Variants in DCDC2C observed in about 807,000 individuals in gnomAD.
DCDC2C encodes the protein doublecortin domain containing 2C.
A neutral mutation model predicts 45.0 loss-of-function variants in DCDC2C; 44 were observed. That is an observed-to-expected ratio of 0.98 (90% CI 0.77 to 1.26). The LOEUF (loss-of-function observed/expected upper bound fraction) is 1.26, where lower values mean the gene tolerates loss of function less well. Ranked by LOEUF, DCDC2C falls within the 50% of genes most tolerant of loss-of-function variation. DCDC2C has a pLI of 0.00. For synonymous variants in DCDC2C, 187 were observed against 178.8 expected (o/e 1.05, Z -0.37); for missense variants, 447 against 468.9 (o/e 0.95, Z 0.43).
intron 10 of DCDC2C, among the ~76,000 whole-genome samples, chr2:3,838,823 C>G (rs113384243): frequency 3.3e-5 from 5 of 152,258 alleles, no homozygotes; most frequent in African/African-American, 1.2e-4. Context: ...CTATCCACTT[C>G]TAGAAGTTTG....
At position 3,847,204 on chromosome 2, in the gene DCDC2C, C is replaced by G; in HGVS notation, c.*21C>G. ...ATTAACAAAACCACCTTTATTATTA[C>G]CTGAAGTCCACTTTTCTTCAACCAT... is the stretch of plus-strand genomic sequence containing the variant. On this transcript the variant is annotated 3_prime_UTR_variant, in exon 11 of 11. Transcript: ENST00000399143. The G allele has an allele frequency of 8.1e-7, 1 of 1,230,334 alleles. No homozygotes were observed. The highest frequency in any genetic ancestry group is 1.0e-6 in the Non-Finnish European group (1 of 986,722). The allele number at this position is 1,230,334 out of a possible 1,614,324, so 76.2% of individuals were successfully genotyped here. A position where few individuals can be genotyped will look rare whatever the true frequency, so the allele number is the denominator to read the frequency against.
At chr2:3,829,888 G>C (rs1158148767) in intron 10 of DCDC2C, among the ~76,000 whole-genome samples, 1 of 152,144 alleles carries the variant, frequency 6.6e-6, no homozygotes, top group Non-Finnish European at 1.5e-5. Flanking sequence ...GCTGTTATCA[G>C]TTATTGACAC....
chr2:3,704,363 A>G (rs1459748367), intron 1 of DCDC2C, among the ~76,000 whole-genome samples: 3 of 79,926 alleles, frequency 3.8e-5, no homozygotes, highest in Middle Eastern at 9.1e-3. Flanking sequence ...GGTGTGGAGG[A>G]GGGCGTGGGG....
intron 2 of DCDC2C, among the ~76,000 whole-genome samples, chr2:3,717,699 T>A (rs548219871): frequency 6.6e-6 from 1 of 152,302 alleles, no homozygotes; most frequent in African/African-American, 2.4e-5. Flanking sequence ...CTAGTTACCA[T>A]GACGTTTAAG....
intron 10 of DCDC2C, among the ~76,000 whole-genome samples, chr2:3,845,735 A>T (rs1672311346): frequency 6.6e-6 from 1 of 152,192 alleles, no homozygotes; most frequent in Non-Finnish European, 1.5e-5. Context: ...TGCATTTCTA[A>T]TTACTTTCGT....
intron 4 of DCDC2C, among the ~76,000 whole-genome samples, chr2:3,749,305 T>C (rs1435884678): frequency 1.3e-5 from 2 of 152,262 alleles, no homozygotes; most frequent in African/African-American, 4.8e-5. Flanking sequence ...TAGCATGTTA[T>C]GATGCAAAGC....
intron 6 of DCDC2C, among the ~76,000 whole-genome samples, chr2:3,755,625 G>C (rs1232485283): frequency 6.6e-6 from 1 of 152,162 alleles, no homozygotes; most frequent in Non-Finnish European, 1.5e-5. Context: ...GGATGCATAT[G>C]TGTGTGCCTA....
At chr2:3,785,731 G>C (rs1243387224) in intron 10 of DCDC2C, among the ~76,000 whole-genome samples, 2 of 152,150 alleles carry the variant, frequency 1.3e-5, no homozygotes, top group Admixed American at 6.5e-5. Flanking sequence ...AGTGATTTTT[G>C]TCTGAATGTG....
intron 10 of DCDC2C, among the ~76,000 whole-genome samples, chr2:3,796,945 T>C (rs1290152446): frequency 6.6e-6 from 1 of 152,232 alleles, no homozygotes; most frequent in East Asian, 1.9e-4. Context: ...GAAGGAATGG[T>C]ACCAGTTCCT....
intron 8 of DCDC2C, among the ~76,000 whole-genome samples, chr2:3,775,058 C>T (rs1465186915): frequency 6.6e-6 from 1 of 151,144 alleles, no homozygotes; most frequent in African/African-American, 2.4e-5. Context: ...AGCCAGTGCG[C>T]CTGGCTGGAT....
intron 3 of DCDC2C, among the ~76,000 whole-genome samples, chr2:3,731,532 G>C (rs1312733803): frequency 6.6e-6 from 1 of 152,192 alleles, no homozygotes; most frequent in Non-Finnish European, 1.5e-5. Context: ...CCCAAAGGGA[G>C]AAATGTAACA....
At chr2:3,733,812 G>C (rs548393391) in intron 3 of DCDC2C, among the ~76,000 whole-genome samples, 3 of 152,268 alleles carry the variant, frequency 2.0e-5, no homozygotes, top group East Asian at 1.9e-4. Flanking sequence ...AACATGAACT[G>C]GGGGGTGAGG....
At chr2:3,784,985 G>T (rs1670612334) in intron 9 of DCDC2C, 74 bp from the exon 10 acceptor site, 1 of 1,080,838 alleles carries the variant, frequency 9.3e-7, no homozygotes, top group Non-Finnish European at 1.2e-6. Flanking sequence ...GAGTAGAGGT[G>T]GGGGAGATTA....
At chr2:3,798,313 A>G (rs1445652489) in intron 10 of DCDC2C, among the ~76,000 whole-genome samples, 1 of 151,010 alleles carries the variant, frequency 6.6e-6, no homozygotes, top group East Asian at 1.9e-4. Flanking sequence ...ATGGGTCTTG[A>G]CTCTTTATCC....
intron 9 of DCDC2C, 135 bp from the exon 10 acceptor site, chr2:3,784,924 C>CAGA (rs1362990486): frequency 1.9e-6 from 1 of 529,200 alleles, no homozygotes; most frequent in Non-Finnish European, 2.9e-6. Context: ...GGCTTTACGC[C>CAGA]AAGCTCCTGA....
intron 10 of DCDC2C, among the ~76,000 whole-genome samples, chr2:3,826,681 AAAT>A (rs1277114435): frequency 1.3e-5 from 2 of 152,120 alleles, no homozygotes; most frequent in Non-Finnish European, 2.9e-5. Flanking sequence ...GTAGGAATGG[AAAT>A]CCCAACAGCT....
chr2:3,703,826 C>T lies in DCDC2C; in HGVS notation c.75C>T (p.Asp25=). ...AKTIVVYRNG[D]PFYVGKKFVL... ...CCATCGTGGTGTACCGCAACGGGGA[C>T]CCGTTCTACGTGGGCAAGAAGTTCG... The change falls in exon 1 of 11, where the codon GAC becomes GAT. Residue 25 remains aspartate (D), a synonymous_variant. Coordinates refer to ENST00000399143, the MANE Select transcript of DCDC2C (RefSeq NM_001287444.2). The surrounding 1 kb of genome is among the most constrained non-coding windows in gnomAD (Gnocchi z 4.4). 1 of 1,265,838 alleles carries T rather than the reference C, an allele frequency of 7.9e-7. No homozygotes were observed. The highest frequency in any genetic ancestry group is 1.0e-6 in the Non-Finnish European group (1 of 1,001,346). The allele number at this position is 1,265,838 out of a possible 1,614,324, so 78.4% of individuals were successfully genotyped here. A position where few individuals can be genotyped will look rare whatever the true frequency, so the allele number is the denominator to read the frequency against.
At chr2:3,810,235 C>T (rs1671360244) in intron 10 of DCDC2C, among the ~76,000 whole-genome samples, 1 of 152,204 alleles carries the variant, frequency 6.6e-6, no homozygotes, top group Admixed American at 6.5e-5. Flanking sequence ...TCTGATTTCT[C>T]CACAGCCTCA....
At chr2:3,825,757 C>T (rs1671801127) in intron 10 of DCDC2C, among the ~76,000 whole-genome samples, 2 of 152,132 alleles carry the variant, frequency 1.3e-5, no homozygotes, top group Non-Finnish European at 2.9e-5. Flanking sequence ...TCTGGACTTC[C>T]AGGGCAGAAT....
Sources: gnomAD v4.1 joint callset for allele counts (sites outside exome capture counted in the v4.1 genomes callset) on GRCh38, gnomAD v4.1.1 for gene constraint, Gnocchi (gnomAD v3.1) non-coding constraint, MANE v1.5 for transcripts, NCBI Gene and HGNC (gene_info 2026-07-23, HGNC 2026-07-21) for gene names.